Variants in HNRNPLL observed in about 807,000 individuals in gnomAD.
HNRNPLL encodes heterogeneous nuclear ribonucleoprotein L like.
In HNRNPLL, 25 loss-of-function variants were observed where a neutral mutation model predicts 67.1. The ratio of observed to expected loss-of-function variants is 0.37; its 90% CI spans 0.27 to 0.52. The LOEUF (loss-of-function observed/expected upper bound fraction) is 0.52. Among genes scored for constraint, HNRNPLL ranks in the 20% least tolerant of loss-of-function variants. HNRNPLL has a pLI of 0.90. For missense variants in HNRNPLL, 542 were observed against 673.9 expected (o/e 0.80, Z 2.17); for synonymous variants, 267 against 241.7 (o/e 1.10, Z -0.97).
chr2:38,576,675 G>C (rs1666311996), intron 7 of HNRNPLL, among the ~76,000 whole-genome samples: 2 of 151,766 alleles, frequency 1.3e-5, no homozygotes, highest in Admixed American at 6.6e-5. Flanking sequence ...TAGGACAATA[G>C]GCAATACCAG....
chr2:38,571,569 G>A (rs1332428888), intron 8 of HNRNPLL, among the ~76,000 whole-genome samples: 1 of 152,134 alleles, frequency 6.6e-6, no homozygotes, highest in Admixed American at 6.5e-5. Context: ...AGTCGTAACA[G>A]GATTTTTCAG....
At chr2:38,589,235 T>C (rs1666866906) in intron 2 of HNRNPLL, among the ~76,000 whole-genome samples, 1 of 152,242 alleles carries the variant, frequency 6.6e-6, no homozygotes, top group Non-Finnish European at 1.5e-5. Flanking sequence ...TGTTATATTT[T>C]CTTCTGAGCT....
At chr2:38,570,132 A>G (rs1160440327) in intron 8 of HNRNPLL, among the ~76,000 whole-genome samples, 1 of 152,214 alleles carries the variant, frequency 6.6e-6, no homozygotes, top group African/African-American at 2.4e-5. Context: ...CCCACTGAAG[A>G]ACAGCACAGG....
rs774405714 is a variant in HNRNPLL, at chr2:38,576,180, T to G, written c.874+1281A>C. Among the ~76,000 whole-genome samples, 18 of 151,846 alleles carry G rather than the reference T, an allele frequency of 1.2e-4. 1 individual carries two copies. Among genetic ancestry groups the G allele is most frequent in the Non-Finnish European group, 2.5e-4 (17 of 67,776 alleles). The stretch of plus-strand genomic sequence containing the variant: ...CTACTACAGCAGAGTTCCTTGTCCT[T>G]CATTTATTCTTTCACAGATTTTTCT... On this transcript the variant is annotated intron_variant, in intron 7 of 12. Transcript: ENST00000449105.
At chr2:38,576,483 G>A (rs1357561581) in intron 7 of HNRNPLL, among the ~76,000 whole-genome samples, 1 of 151,666 alleles carries the variant, frequency 6.6e-6, no homozygotes, top group Non-Finnish European at 1.5e-5. Context: ...TTACTGTTTT[G>A]ACAAAACAGA....
In HNRNPLL at chr2:38,577,465, G is replaced by C. The variant is rs764392832; in HGVS notation, c.870C>G (p.Gly290=). Residue 290 remains glycine, a synonymous_variant, in exon 7 of 13, where the codon GGC becomes GGG. Transcript: ENST00000449105. The part of the protein sequence containing the change: ...GEHPSSFRHD[G]YGSHGPLLPL... ...CTTTCTACCTTGACAACTTACCATAGCCATCATGTCTAAACGAAGAAGGGT... is the reference window on the plus strand; with the variant it reads ...CTTTCTACCTTGACAACTTACCATACCCATCATGTCTAAACGAAGAAGGGT... 6.3e-7 allele frequency: 1 copy of C among 1,593,508 alleles called. No homozygotes were observed. The highest frequency in any genetic ancestry group is 1.7e-5 in the Admixed American group (1 of 59,900).
intron 1 of HNRNPLL, among the ~76,000 whole-genome samples, chr2:38,592,315 G>T (rs1366346121): frequency 6.6e-6 from 1 of 152,104 alleles, no homozygotes; most frequent in African/African-American, 2.4e-5. Context: ...TAGTACAAAT[G>T]AACAAAAAGT....
At chr2:38,575,105 G>T (rs531181212) in intron 7 of HNRNPLL, among the ~76,000 whole-genome samples, 16 of 151,714 alleles carry the variant, frequency 1.1e-4, no homozygotes, top group African/African-American at 3.6e-4. Context: ...AAACCTCTGA[G>T]ATCTACTGCC....
At chr2:38,566,853 T>A (rs1282838646) in intron 12 of HNRNPLL, among the ~76,000 whole-genome samples, 7 of 149,470 alleles carry the variant, frequency 4.7e-5, no homozygotes, top group South Asian at 4.2e-4. Flanking sequence ...TAAAAAAAAA[T>A]TTAAAAATAA....
At chr2:38,588,186 T>C (rs933851074) in intron 2 of HNRNPLL, among the ~76,000 whole-genome samples, 70 of 152,138 alleles carry the variant, frequency 4.6e-4, no homozygotes, top group African/African-American at 1.6e-3. Flanking sequence ...AACAAACTAA[T>C]ACAGGTACAG....
chr2:38,592,148 G>A lies in HNRNPLL; in HGVS notation c.190-500C>T, dbSNP rs1039380189. Reference sequence around the variant, plus strand: ...TTTTAAAATTTTTAATTTCTTAAAAGGGAGCATTCTATCTCAGTAAGAAGT... The same window carrying A: ...TTTTAAAATTTTTAATTTCTTAAAAAGGAGCATTCTATCTCAGTAAGAAGT... On this transcript the variant is annotated intron_variant, in intron 1 of 12. Transcript: ENST00000449105. Among the ~76,000 whole-genome samples the A allele has an allele frequency of 1.1e-4, 17 of 152,192 alleles. 1 individual carries two copies. The highest frequency in any genetic ancestry group is 6.2e-4 in the South Asian group (3 of 4,830).
chr2:38,582,055 T>A lies in HNRNPLL; in HGVS notation c.729+17A>T. 1 of 1,607,324 alleles carries A rather than the reference T, an allele frequency of 6.2e-7. No individual in the cohort carries two copies. Among genetic ancestry groups the A allele is most frequent in the East Asian group, 2.2e-5 (1 of 44,820 alleles). ...GCATAAATATTTCTTGGGTAGGGTG[T>A]TGAAAAAAATATTTACCCGTGCATA... On this transcript the variant is annotated intron_variant, in intron 5 of 12. Transcript: ENST00000449105.
At position 38,602,498 on chromosome 2, in the gene HNRNPLL, C is replaced by T; in HGVS notation, c.129G>A (p.Arg43=). 6.5e-7 allele frequency: 1 copy of T among 1,547,790 alleles called. No homozygotes were observed. The highest frequency in any genetic ancestry group is 8.7e-7 in the Non-Finnish European group (1 of 1,148,292). The stretch of plus-strand genomic sequence containing the variant: ...CGCCCCCGCCCCGGGGCGTCGCTTC[C>T]CGGCGGTTCTCGCCTTCCTCGGCCG... ...DYSAEEGENR[R]EATPRGGGDG... is the part of the protein sequence containing the mutation. The change falls in exon 1 of 13, where the codon CGG becomes CGA. Residue 43 remains arginine, a synonymous_variant. Transcript: ENST00000449105.
intron 12 of HNRNPLL, among the ~76,000 whole-genome samples, chr2:38,567,233 G>C (rs1665898998): frequency 6.6e-6 from 1 of 152,088 alleles, no homozygotes; most frequent in Non-Finnish European, 1.5e-5. Flanking sequence ...CTCCCAAGTA[G>C]CTGAAACTAC....
At chr2:38,574,146 C>G (rs1666205929) in intron 7 of HNRNPLL, among the ~76,000 whole-genome samples, 1 of 151,864 alleles carries the variant, frequency 6.6e-6, no homozygotes, top group Admixed American at 6.6e-5. Flanking sequence ...CATTAAGAAT[C>G]AACTTGCTAA....
rs777950966 is a variant in HNRNPLL, at chr2:38,573,366, A to T, written c.936T>A (p.Pro312=). ...SRYRMGSRDT[P]ELVAYPLPQA... The stretch of plus-strand genomic sequence containing the variant: ...GTGGTAATGGATAAGCAACAAGTTC[A>T]GGTGTATCTCGAGAGCCCATTCTGT... Residue 312 remains proline, a synonymous_variant, in exon 8 of 13, where the codon CCT becomes CCA. Coordinates refer to ENST00000449105, the MANE Select transcript of HNRNPLL (RefSeq NM_138394.4). 6.8e-6 allele frequency: 11 copies of T among 1,612,568 alleles called. No homozygotes were observed. The highest frequency in any genetic ancestry group is 1.7e-4 in the Middle Eastern group (1 of 6,046).
rs1667034028 is a variant in HNRNPLL, at chr2:38,593,325, G to A, written c.190-1677C>T. 2.0e-5 allele frequency among the ~76,000 whole-genome samples: 3 copies of A among 152,056 alleles called. No homozygotes were observed. In the South Asian group the frequency reaches 6.2e-4, roughly 31 times the overall value. ...CATCATTACATTCTTAAATATAACTGGAAATGAATAAAGCAGGAAGAGCTC... is the reference window on the plus strand; with the variant it reads ...CATCATTACATTCTTAAATATAACTAGAAATGAATAAAGCAGGAAGAGCTC... On this transcript the variant is annotated intron_variant, in intron 1 of 12. Coordinates refer to ENST00000449105, the MANE Select transcript of HNRNPLL (RefSeq NM_138394.4).
At chr2:38,576,113 A>C (rs563545612) in intron 7 of HNRNPLL, among the ~76,000 whole-genome samples, 16 of 151,918 alleles carry the variant, frequency 1.1e-4, no homozygotes, top group Admixed American at 2.6e-4. Context: ...ATATTTTATA[A>C]AGGAAGGCAG....
At position 38,602,813 on chromosome 2, in the gene HNRNPLL, G is replaced by T; in HGVS notation, c.-187C>A. On this transcript the variant is annotated 5_prime_UTR_variant, in exon 1 of 13. Coordinates refer to ENST00000449105, the MANE Select transcript of HNRNPLL (RefSeq NM_138394.4). ...GAGAAGCGCGGACGGACTGAGGGGG[G>T]CGCCCCGGGAGGAAGCTCTGGAGCG... 2.6e-6 allele frequency: 4 copies of T among 1,545,008 alleles called. No individual in the cohort carries two copies. Among genetic ancestry groups the T allele is most frequent in the Non-Finnish European group, 3.5e-6 (4 of 1,144,732 alleles).
Sources: gnomAD v4.1 joint callset for allele counts (sites outside exome capture counted in the v4.1 genomes callset) on GRCh38, gnomAD v4.1.1 for gene constraint, MANE v1.5 for transcripts, NCBI Gene and HGNC (gene_info 2026-07-23, HGNC 2026-07-21) for gene names.